UHRF1: variants seen among roughly 807,000 people sequenced by gnomAD.
UHRF1 encodes the protein ubiquitin like with PHD and ring finger domains 1.
In UHRF1, 9 loss-of-function variants were observed where a neutral mutation model predicts 96.5. That is an observed-to-expected ratio of 0.09 (90% CI 0.06 to 0.16). UHRF1 has a LOEUF of 0.16. Among genes scored for constraint, UHRF1 ranks in the 10% least tolerant of loss-of-function variants. The probability of loss-of-function intolerance (pLI) is 1.00; values close to 1 mark genes in which losing one functional copy is unlikely to be tolerated. For missense variants in UHRF1, 626 were observed against 1,131.1 expected (o/e 0.55, Z 6.40); for synonymous variants, 455 against 469.9 (o/e 0.97, Z 0.41).
At chr19:4,955,006 C>T (rs186212356) in intron 15 of UHRF1, among the ~76,000 whole-genome samples, 184 bp downstream of exon 15, 194 of 152,220 alleles carry the variant, frequency 1.3e-3, no homozygotes, top group African/African-American at 4.6e-3. Context: ...CAGACTGAAA[C>T]CCTGGCCCTG....
intron 2 of UHRF1, among the ~76,000 whole-genome samples, chr19:4,919,666 T>G (rs1409212776): frequency 6.6e-6 from 1 of 152,046 alleles, no homozygotes; most frequent in Admixed American, 6.6e-5. Context: ...TTAGATTAAG[T>G]CACTCCTTTT....
intron 2 of UHRF1, among the ~76,000 whole-genome samples, chr19:4,915,072 C>T (rs1040015559): frequency 1.3e-5 from 2 of 152,250 alleles, no homozygotes; most frequent in Non-Finnish European, 1.5e-5. Flanking sequence ...ATGACAACCA[C>T]AAATATTCCC....
intron 2 of UHRF1, 131 bp from the exon 3 acceptor site, chr19:4,929,091 C>T (rs529272953): frequency 1.5e-6 from 2 of 1,307,626 alleles, no homozygotes; most frequent in Admixed American, 2.3e-5. Context: ...GGTATCATGG[C>T]TCTTTACTCT....
chr19:4,958,101 C>T (rs1420051285), intron 16 of UHRF1, among the ~76,000 whole-genome samples: 1 of 152,216 alleles, frequency 6.6e-6, no homozygotes, highest in Non-Finnish European at 1.5e-5. Flanking sequence ...GGGGTGTTCC[C>T]AGTCATGCCC....
intron 5 of UHRF1, among the ~76,000 whole-genome samples, chr19:4,935,426 A>G (rs563429849): frequency 6.6e-6 from 1 of 152,272 alleles, no homozygotes; most frequent in East Asian, 1.9e-4. Context: ...TAAATTACCC[A>G]GTCTTTATTA....
At chr19:4,936,655 G>T (rs1387718053) in intron 5 of UHRF1, among the ~76,000 whole-genome samples, 3 of 152,010 alleles carry the variant, frequency 2.0e-5, no homozygotes, top group African/African-American at 7.2e-5. Context: ...TTATAATGTA[G>T]AGATGGCTAG....
chr19:4,949,839 T>C (rs914290459), intron 11 of UHRF1, among the ~76,000 whole-genome samples: 6 of 94,376 alleles, frequency 6.4e-5, no homozygotes, highest in African/African-American at 2.7e-4. Flanking sequence ...CCTTTCTCTT[T>C]TTGTTTGTTT....
chr19:4,938,730 G>GGTTTTTTTTTTTTTTTT (rs1568421924), intron 5 of UHRF1, among the ~76,000 whole-genome samples: 11 of 61,588 alleles, frequency 1.8e-4, no homozygotes, highest in Non-Finnish European at 2.4e-4. Context: ...TTTTGGTCAG[G>GGTTTTTTTTTTTTTTTT]TTTTTTTTTT....
chr19:4,960,451 C>A (rs536606541), intron 16 of UHRF1, among the ~76,000 whole-genome samples: 11 of 152,148 alleles, frequency 7.2e-5, no homozygotes, highest in Non-Finnish European at 1.3e-4. Context: ...CTGCCAGGGA[C>A]AAAAGCCTGG....
chr19:4,952,089 A>G (rs1020554155), intron 13 of UHRF1, among the ~76,000 whole-genome samples: 1 of 151,828 alleles, frequency 6.6e-6, no homozygotes, highest in Non-Finnish European at 1.5e-5. Context: ...TGGGAGTAGG[A>G]TTTTTTTTGT....
In UHRF1 at chr19:4,947,144, C is replaced by A; in HGVS notation, c.1450C>A (p.Arg484=). The A allele has an allele frequency of 3.7e-6, 6 of 1,612,960 alleles. No individual in the cohort carries two copies. The highest frequency in any genetic ancestry group is 5.1e-6 in the Non-Finnish European group (6 of 1,179,656). ...TTTCACATACACGGGTAGTGGTGGT[C>A]GAGATCTTTCCGGCAACAAGAGGAC... ...NFFTYTGSGG[R]DLSGNKRTAE... is the part of the protein sequence containing the mutation. Residue 484 remains arginine (R), a synonymous_variant, in exon 11 of 17, where the codon CGA becomes AGA. Coordinates refer to ENST00000650932, the MANE Select transcript of UHRF1 (RefSeq NM_001048201.3).
intron 13 of UHRF1, among the ~76,000 whole-genome samples, chr19:4,951,414 C>T (rs150407229): frequency 3.5e-4 from 53 of 152,210 alleles, no homozygotes; most frequent in African/African-American, 1.2e-3. Context: ...TTCTGGACCG[C>T]GCTGAACACT....
intron 2 of UHRF1, among the ~76,000 whole-genome samples, chr19:4,922,928 C>T (rs933363222): frequency 1.3e-5 from 2 of 152,180 alleles, no homozygotes; most frequent in Admixed American, 6.5e-5. Flanking sequence ...TGGGAAGGGC[C>T]GAAGTCATGG....
chr19:4,952,637 C>T (rs145375156), intron 13 of UHRF1, among the ~76,000 whole-genome samples: 1 of 152,010 alleles, frequency 6.6e-6, no homozygotes, highest in Non-Finnish European at 1.5e-5. Context: ...CTGCTTCCAC[C>T]TCCCAAAGTG....
rs35008694 is a variant in UHRF1, at chr19:4,924,826, G to GTT, written c.154-4378_154-4377dup. ...CACCAAGGCTTGCCCTTGGTGTTAA[G>GTT]TTTTTTTTTTTTTTTTTTTGAGACA... On this transcript the variant is annotated intron_variant, in intron 2 of 16. Coordinates refer to ENST00000650932, the MANE Select transcript of UHRF1 (RefSeq NM_001048201.3). 2.0e-3 allele frequency among the ~76,000 whole-genome samples: 257 copies of GTT among 127,278 alleles called. 1 individual carries two copies. Among genetic ancestry groups the GTT allele is most frequent in the African/African-American group, 5.2e-3 (178 of 33,940 alleles). 83.5% of individuals were successfully genotyped at this position (127,278 alleles called of 152,430 possible). A position where few individuals can be genotyped will look rare whatever the true frequency, so the allele number is the denominator to read the frequency against.
chr19:4,952,410 T>TTC, intron 13 of UHRF1, among the ~76,000 whole-genome samples: 1 of 147,476 alleles, frequency 6.8e-6, no homozygotes, highest in Non-Finnish European at 1.5e-5. Flanking sequence ...TTTTTTTTTT[T>TTC]TTGGAGACAG....
chr19:4,954,699 C>A lies in UHRF1; in HGVS notation c.2007C>A (p.Thr669=). ...AGSPRRTSKK[T]KVEPYSLTAQ... Reference sequence around the variant, plus strand: ...CCCCGCGCCGGACATCCAAGAAAACCAAGGTGGAGCCCTACAGTCTCACGG... The same window carrying A: ...CCCCGCGCCGGACATCCAAGAAAACAAAGGTGGAGCCCTACAGTCTCACGG... Residue 669 remains threonine (T), a synonymous_variant, in exon 15 of 17, where the codon ACC becomes ACA. Coordinates refer to ENST00000650932, the MANE Select transcript of UHRF1 (RefSeq NM_001048201.3). This position sits in a 1 kb window ranked among gnomAD's most constrained non-coding sequence, Gnocchi z 5.9. 6.2e-7 allele frequency: 1 copy of A among 1,613,618 alleles called. No individual in the cohort carries two copies. The highest frequency in any genetic ancestry group is 1.3e-5 in the African/African-American group (1 of 75,024).
At chr19:4,912,820 C>A (rs1292703715) in intron 2 of UHRF1, among the ~76,000 whole-genome samples, 2 of 152,094 alleles carry the variant, frequency 1.3e-5, no homozygotes, top group African/African-American at 4.8e-5. Context: ...GTTGCAGTGG[C>A]ACGATCACAG....
At chr19:4,917,963 G>C (rs2032578633) in intron 2 of UHRF1, among the ~76,000 whole-genome samples, 1 of 152,006 alleles carries the variant, frequency 6.6e-6, no homozygotes, top group Admixed American at 6.6e-5. Flanking sequence ...GCCTGGCCTA[G>C]CTTTTATACA....
Sources: gnomAD v4.1 joint callset for allele counts (sites outside exome capture counted in the v4.1 genomes callset) on GRCh38, gnomAD v4.1.1 for gene constraint, Gnocchi (gnomAD v3.1) non-coding constraint, MANE v1.5 for transcripts, NCBI Gene and HGNC (gene_info 2026-07-23, HGNC 2026-07-21) for gene names.